The following RBFOX1 variants were observed in gnomAD, a reference collection of about 807,000 sequenced individuals.
The protein encoded by RBFOX1 is RNA binding fox-1 homolog 1.
In RBFOX1, 8 loss-of-function variants were observed where a neutral mutation model predicts 57.7. The ratio of observed to expected loss-of-function variants is 0.14; its 90% CI spans 0.08 to 0.25. RBFOX1 has a LOEUF of 0.25. Among genes scored for constraint, RBFOX1 ranks in the 10% least tolerant of loss-of-function variants. The pLI is 1.00. For synonymous variants in RBFOX1, 326 were observed against 222.4 expected (o/e 1.47, Z -4.15); for missense variants, 611 against 548.5 (o/e 1.11, Z -1.14).
chr16:5,715,281 G>A (rs879838587), intron 3 of RBFOX1, among the ~76,000 whole-genome samples: 1 of 152,100 alleles, frequency 6.6e-6, no homozygotes, highest in Non-Finnish European at 1.5e-5. Flanking sequence ...CTACCTTGTG[G>A]ATGATTAAAC....
chr16:7,012,892 A>T (rs935290398), intron 3 of RBFOX1, among the ~76,000 whole-genome samples: 8 of 152,136 alleles, frequency 5.3e-5, no homozygotes, highest in Non-Finnish European at 8.8e-5. Flanking sequence ...GGGAGGCTGG[A>T]AGTTCAAGAT....
chr16:7,639,221 T>A (rs542709099), intron 11 of RBFOX1, among the ~76,000 whole-genome samples: 2 of 152,296 alleles, frequency 1.3e-5, no homozygotes, highest in South Asian at 2.1e-4. Flanking sequence ...GAAGACTCCA[T>A]TGTCTTACCC....
chr16:6,327,496 A>G (rs942861518), intron 2 of RBFOX1, among the ~76,000 whole-genome samples: 1 of 152,036 alleles, frequency 6.6e-6, no homozygotes. Flanking sequence ...TTGCTCATTT[A>G]CAGTCAGTTC....
intron 3 of RBFOX1, among the ~76,000 whole-genome samples, chr16:6,726,381 T>G (rs1248992953): frequency 6.9e-6 from 1 of 143,956 alleles, no homozygotes; most frequent in Non-Finnish European, 1.5e-5. Context: ...TAAATAAAAA[T>G]AAAACGCTAT....
chr16:5,830,838 GT>G lies in RBFOX1; in HGVS notation c.319-36462del, dbSNP rs375929036. ...AGGGTCTTCAGACTGTGTTCAGGCT[GT>G]TTCCTGGCTGTTGTCTCTGCCTACC... On this transcript the variant is annotated intron_variant, in intron 3 of 19. Coordinates refer to the RBFOX1 transcript ENST00000641259. Among the ~76,000 whole-genome samples the G allele has an allele frequency of 2.3e-3, 350 of 152,238 alleles. 3 individuals are homozygous for G. Among genetic ancestry groups the G allele is most frequent in the African/African-American group, 8.0e-3 (332 of 41,540 alleles).
At chr16:7,527,445 A>G (rs938463735) in intron 5 of RBFOX1, among the ~76,000 whole-genome samples, 1 of 152,064 alleles carries the variant, frequency 6.6e-6, no homozygotes, top group African/African-American at 2.4e-5. Context: ...AGCATCAAAG[A>G]CCCATGTGTT....
rs376997292 is a variant in RBFOX1, at chr16:6,880,810, GAATA to G, written c.-15-171243_-15-171240del. Among the ~76,000 whole-genome samples the G allele has an allele frequency of 8.5e-5, 13 of 152,186 alleles. 1 individual carries two copies. Among genetic ancestry groups the G allele is most frequent in the Middle Eastern group, 3.4e-3 (1 of 294 alleles). On this transcript the variant is annotated intron_variant, in intron 3 of 15. Coordinates refer to ENST00000550418, the MANE Select transcript of RBFOX1 (RefSeq NM_018723.4). Reference sequence around the variant, plus strand: ...TACAGTATTTCTTATATTATTGAAAGAATAAATCAATATATAAATGTGTTGGAAT... The same window carrying G: ...TACAGTATTTCTTATATTATTGAAAGAATCAATATATAAATGTGTTGGAAT...
intron 2 of RBFOX1, among the ~76,000 whole-genome samples, chr16:6,466,376 C>T (rs569700043): frequency 1.1e-3 from 164 of 152,116 alleles, no homozygotes; most frequent in Non-Finnish European, 1.9e-3. Context: ...GGTACTTTCC[C>T]ATATGTTATT....
chr16:6,901,493 C>G (rs74008423), intron 3 of RBFOX1, among the ~76,000 whole-genome samples: 3,964 of 152,262 alleles, frequency 0.026, 159 homozygotes, highest in African/African-American at 0.091. Context: ...GCCCATGACT[C>G]TCGACCTGGA....
intron 4 of RBFOX1, among the ~76,000 whole-genome samples, chr16:7,099,732 A>G (rs2062342898): frequency 6.6e-6 from 1 of 152,120 alleles, no homozygotes; most frequent in Non-Finnish European, 1.5e-5. Flanking sequence ...TTCAAGGAGG[A>G]AGGTGTTTCC....
chr16:6,804,736 T>C (rs1360801829), intron 3 of RBFOX1, among the ~76,000 whole-genome samples: 1 of 152,146 alleles, frequency 6.6e-6, no homozygotes, highest in East Asian at 1.9e-4. Context: ...GTTTACTTCA[T>C]GAGAGCCCTA....
At chr16:7,117,277 A>G (rs1228088354) in intron 4 of RBFOX1, among the ~76,000 whole-genome samples, 1 of 152,168 alleles carries the variant, frequency 6.6e-6, no homozygotes, top group Admixed American at 6.6e-5. Flanking sequence ...CGAACAGCCT[A>G]GCTTATAAAG....
At chr16:7,359,732 C>G (rs2097284369) in intron 4 of RBFOX1, among the ~76,000 whole-genome samples, 1 of 152,298 alleles carries the variant, frequency 6.6e-6, no homozygotes, top group Non-Finnish European at 1.5e-5. Context: ...CCCCTGTAAT[C>G]CCAGCACTTT....
chr16:5,455,086 C>T (rs987257152), intron 1 of RBFOX1, among the ~76,000 whole-genome samples: 11 of 148,726 alleles, frequency 7.4e-5, no homozygotes, highest in African/African-American at 1.7e-4. Flanking sequence ...TGTCTCTCTT[C>T]GCTTTCCTGT....
intron 1 of RBFOX1, among the ~76,000 whole-genome samples, chr16:6,050,588 A>G (rs564311059): frequency 1.3e-5 from 2 of 152,132 alleles, no homozygotes; most frequent in African/African-American, 4.8e-5. Context: ...GCTTTATTCT[A>G]CATGTGATGA....
At chr16:7,468,635 T>C (rs73500333) in intron 4 of RBFOX1, among the ~76,000 whole-genome samples, 6,164 of 152,164 alleles carry the variant, frequency 0.041, 398 homozygotes, top group African/African-American at 0.14. Context: ...GGGGAACTTA[T>C]GTGTTGGTGA....
chr16:5,900,421 TC>T (rs1185807707), intron 4 of RBFOX1, among the ~76,000 whole-genome samples: 3 of 152,042 alleles, frequency 2.0e-5, no homozygotes, highest in Non-Finnish European at 4.4e-5. Flanking sequence ...AAGAGAAAAT[TC>T]CCCAAACAAC....
intron 10 of RBFOX1, among the ~76,000 whole-genome samples, chr16:7,619,978 A>G (rs908201271): frequency 3.3e-5 from 5 of 152,186 alleles, no homozygotes; most frequent in African/African-American, 1.2e-4. Flanking sequence ...AGCTAGACAT[A>G]TCTTATCACA....
intron 4 of RBFOX1, among the ~76,000 whole-genome samples, chr16:7,445,004 A>C (rs1377466099): frequency 1.4e-5 from 2 of 146,072 alleles, no homozygotes; most frequent in Non-Finnish European, 3.1e-5. Context: ...CTGACTTTGA[A>C]GTGTTTGTTT....
Sources: gnomAD v4.1 joint callset for allele counts (sites outside exome capture counted in the v4.1 genomes callset) on GRCh38, gnomAD v4.1.1 for gene constraint, MANE v1.5 for transcripts, NCBI Gene and HGNC (gene_info 2026-07-23, HGNC 2026-07-21) for gene names.